LTBP2: variants seen among roughly 807,000 people sequenced by gnomAD.
LTBP2 encodes the protein latent-transforming growth factor beta-binding protein 2.
A neutral mutation model predicts 210.6 loss-of-function variants in LTBP2; 103 were observed. The observed-to-expected ratio is 0.49, with a 90% CI of 0.42 to 0.58. The LOEUF (loss-of-function observed/expected upper bound fraction) is 0.58. LTBP2 is among the 20% of genes least tolerant of loss of function. The probability of loss-of-function intolerance (pLI) is 0.00; values close to 1 mark genes in which losing one functional copy is unlikely to be tolerated. For missense variants in LTBP2, 2,313 were observed against 2,494.5 expected (o/e 0.93, Z 1.55); for synonymous variants, 1,007 against 1,015.0 (o/e 0.99, Z 0.15).
At chr14:74,599,298 C>T (rs562625399) in intron 2 of LTBP2, among the ~76,000 whole-genome samples, 1 of 152,218 alleles carries the variant, frequency 6.6e-6, no homozygotes, top group Non-Finnish European at 1.5e-5. Flanking sequence ...TTGCCTGCCC[C>T]CTCCTCGACA....
At chr14:74,519,483 TTA>T (rs1287491034) in intron 17 of LTBP2, among the ~76,000 whole-genome samples, 1 of 151,164 alleles carries the variant, frequency 6.6e-6, no homozygotes, top group Admixed American at 6.6e-5. Flanking sequence ...TGTAAATAAT[TTA>T]TCTTATTGAT....
chr14:74,506,878 T>TGTGTGCGC lies in LTBP2; in HGVS notation c.3908-56_3908-55insGCGCACAC, dbSNP rs1019233094. The TGTGTGCGC allele has an allele frequency of 2.5e-6, 3 of 1,198,750 alleles. No individual in the cohort carries two copies. The African/African-American group carries it at 4.8e-5, about 19-fold the overall frequency. 74.3% of individuals were successfully genotyped at this position (1,198,750 alleles called of 1,614,324 possible). A position where few individuals can be genotyped will look rare whatever the true frequency, so the allele number is the denominator to read the frequency against. ...ATGTGTGTGTGTGTGTGTGTGTGTGTGCGCGCGCGCGTGTGTGCTCACTCT... is the reference window on the plus strand; with the variant it reads ...ATGTGTGTGTGTGTGTGTGTGTGTGTGTGTGCGCGCGCGCGCGCGTGTGTGCTCACTCT... On this transcript the variant is annotated intron_variant, in intron 26 of 35. Transcript: ENST00000261978.
intron 2 of LTBP2, among the ~76,000 whole-genome samples, chr14:74,594,415 G>GCCC (rs767257027): frequency 6.6e-6 from 1 of 152,102 alleles, no homozygotes; most frequent in Non-Finnish European, 1.5e-5. Context: ...TCTGGGCCCA[G>GCCC]CCCCCCATTC....
intron 14 of LTBP2, among the ~76,000 whole-genome samples, chr14:74,525,680 C>A (rs3815328): frequency 1.4e-4 from 21 of 152,098 alleles, no homozygotes; most frequent in Non-Finnish European, 2.6e-4. Flanking sequence ...TGAGCTCAGC[C>A]TTCCAATGTC....
At position 74,516,850 on chromosome 14, in the gene LTBP2, G is replaced by A. The variant is rs145851939; in HGVS notation, c.2880C>T (p.Tyr960=). The A allele has an allele frequency of 1.0e-3, 1,629 of 1,551,900 alleles. 5 individuals are homozygous for A. The highest frequency in any genetic ancestry group is 1.2e-3 in the Non-Finnish European group (1,407 of 1,147,062). ...GGCAGTGTCCTTTCCTGACCATGATGTAGCCCTGATCACACTCGCAGTGGT... is the reference window on the plus strand; with the variant it reads ...GGCAGTGTCCTTTCCTGACCATGATATAGCCCTGATCACACTCGCAGTGGT... ...GSYHCECDQG[Y]IMVRKGHCQD... is the part of the protein sequence containing the mutation. The change falls in exon 18 of 36, where the codon TAC becomes TAT. Residue 960 remains tyrosine, a synonymous_variant. Transcript: ENST00000261978.
At chr14:74,529,192 G>A in intron 10 of LTBP2, 70 bp from the exon 11 acceptor site, 2 of 1,524,150 alleles carry the variant, frequency 1.3e-6, no homozygotes, top group East Asian at 2.5e-5. Flanking sequence ...TGGGAGGGCA[G>A]TGGATGGAGG....
intron 15 of LTBP2, 101 bp downstream of exon 15, chr14:74,525,023 G>T: frequency 1.7e-6 from 1 of 581,310 alleles, no homozygotes; most frequent in Non-Finnish European, 2.8e-6. Flanking sequence ...TTGGAAAGGT[G>T]AGGGGGCATT....
chr14:74,551,580 G>A (rs915731319), intron 6 of LTBP2, among the ~76,000 whole-genome samples: 3 of 152,136 alleles, frequency 2.0e-5, no homozygotes, highest in Non-Finnish European at 4.4e-5. Context: ...CACATTCCAA[G>A]CTACCTTCCT....
At position 74,505,030 on chromosome 14, in the gene LTBP2, C is replaced by T; in HGVS notation, c.4322G>A (p.Gly1441Asp). 2 of 1,614,216 alleles carry T rather than the reference C, an allele frequency of 1.2e-6. No individual in the cohort carries two copies. The highest frequency in any genetic ancestry group is 1.1e-5 in the South Asian group (1 of 91,084). Reference sequence around the variant, plus strand: ...GTCACAGGCATCTCCCCAGCTAGCGCCCTGGGTGCAGCAGCATTCAGCCTG... The same window carrying T: ...GTCACAGGCATCTCCCCAGCTAGCGTCCTGGGTGCAGCAGCATTCAGCCTG... ...TTQAECCCTQ[G>D]ASWGDACDLC... The change falls in exon 29 of 36, where the codon GGC becomes GAC. Residue 1441 changes from glycine (G) to aspartate (D), a missense_variant. Physicochemically the swap from Gly to Asp is moderately conservative, Grantham distance 94. Transcript: ENST00000261978.
chr14:74,607,322 T>A (rs904930537), intron 1 of LTBP2, among the ~76,000 whole-genome samples: 5 of 152,192 alleles, frequency 3.3e-5, no homozygotes, highest in African/African-American at 1.2e-4. Context: ...GACTAGAACT[T>A]AAGAACATTT....
At chr14:74,572,831 G>C (rs1378877814) in intron 3 of LTBP2, among the ~76,000 whole-genome samples, 6 of 152,100 alleles carry the variant, frequency 3.9e-5, no homozygotes. Flanking sequence ...AGCCGGATGG[G>C]GCGAACCTTC....
chr14:74,534,902 G>C (rs1040212390), intron 9 of LTBP2, among the ~76,000 whole-genome samples: 3 of 152,156 alleles, frequency 2.0e-5, no homozygotes, highest in African/African-American at 7.2e-5. Context: ...TCAGTAGAGG[G>C]AGGGCAGAGA....
chr14:74,540,943 TA>T (rs71119303), intron 8 of LTBP2, among the ~76,000 whole-genome samples: 89,708 of 113,186 alleles, frequency 0.79, 37,011 homozygotes, highest in Non-Finnish European at 0.92. Context: ...TATATATATA[TA>T]TTTTTTATAT....
chr14:74,525,932 G>A lies in LTBP2; in HGVS notation c.2428+143C>T, dbSNP rs1003236029. Reference sequence around the variant, plus strand: ...GGTGTATAGAGAGCTCCCAGAAACAGCACTCACAGGCCACGTCCTTCTCAC... The same window carrying A: ...GGTGTATAGAGAGCTCCCAGAAACAACACTCACAGGCCACGTCCTTCTCAC... On this transcript the variant is annotated intron_variant, in intron 14 of 35. Transcript: ENST00000261978. The A allele has an allele frequency of 8.2e-6, 7 of 856,442 alleles. No individual in the cohort carries two copies. In the East Asian group the frequency reaches 1.6e-4, roughly 19 times the overall value. 53.1% of individuals were successfully genotyped at this position (856,442 alleles called of 1,614,324 possible).
intron 2 of LTBP2, among the ~76,000 whole-genome samples, chr14:74,602,299 T>G (rs1408377542): frequency 6.6e-6 from 1 of 152,222 alleles, no homozygotes; most frequent in African/African-American, 2.4e-5. Context: ...ATAAGATGAT[T>G]GACAGGTCGA....
intron 2 of LTBP2, among the ~76,000 whole-genome samples, chr14:74,596,066 A>G (rs2088355921): frequency 1.3e-5 from 2 of 151,928 alleles, no homozygotes; most frequent in Non-Finnish European, 2.9e-5. Context: ...TCTCTATAAA[A>G]ATACAAAAAT....
In LTBP2 at chr14:74,503,989, G is replaced by A. The variant is rs1297624807; in HGVS notation, c.4519C>T (p.Pro1507Ser). 1 of 1,614,140 alleles carries A rather than the reference G, an allele frequency of 6.2e-7. No individual in the cohort carries two copies. The highest frequency in any genetic ancestry group is 8.5e-7 in the Non-Finnish European group (1 of 1,180,032). Residue 1507 changes from proline to serine, a missense_variant, in exon 31 of 36, where the codon CCT becomes TCT. This residue lies in a region of LTBP2 where 443 missense variants were observed against 501.4 expected (regional missense o/e 0.88). Transcript: ENST00000261978. ...CPNGRCLNTV[P>S]GYVCLCNPGF... The stretch of plus-strand genomic sequence containing the variant: ...GGATTGCACAGGCAGACATAACCAG[G>A]CACGGTGTTGAGGCACCGGCCGTTC...
chr14:74,604,324 C>T (rs2088494593), intron 1 of LTBP2, among the ~76,000 whole-genome samples: 1 of 152,082 alleles, frequency 6.6e-6, no homozygotes, highest in South Asian at 2.1e-4. Context: ...AGTCTCAGCC[C>T]CCGGCAGTCT....
intron 21 of LTBP2, 39 bp downstream of exon 21, chr14:74,509,695 A>G: frequency 6.2e-7 from 1 of 1,613,602 alleles, no homozygotes; most frequent in Non-Finnish European, 8.5e-7. Context: ...AAGACAGCCT[A>G]TATTCTGTCC....
Sources: gnomAD v4.1 joint callset for allele counts (sites outside exome capture counted in the v4.1 genomes callset) on GRCh38, gnomAD v4.1.1 for gene constraint, gnomAD v4.1.1 regional missense constraint, MANE v1.5 for transcripts, NCBI Gene and HGNC (gene_info 2026-07-23, HGNC 2026-07-21) for gene names.